DOCK8: variants seen among roughly 807,000 people sequenced by gnomAD.
The protein encoded by DOCK8 is dedicator of cytokinesis 8.
DOCK8 carries 141 observed loss-of-function variants against 245.6 expected under a neutral mutation model. The observed-to-expected ratio is 0.57, with a 90% CI of 0.50 to 0.66. The LOEUF is 0.66. Ranked by LOEUF, DOCK8 falls within the 30% of genes least tolerant of loss-of-function variation. DOCK8 has a pLI of 0.00. For missense variants in DOCK8, 2,965 were observed against 2,603.4 expected (o/e 1.14, Z -3.02); for synonymous variants, 1,168 against 970.2 (o/e 1.20, Z -3.79).
chr9:363,879 T>C (rs1371885412), intron 14 of DOCK8, among the ~76,000 whole-genome samples: 1 of 152,162 alleles, frequency 6.6e-6, no homozygotes, highest in African/African-American at 2.4e-5. Context: ...TATTGGAGTG[T>C]AAGAGACAAG....
At chr9:437,575 G>A (rs571423878) in intron 39 of DOCK8, among the ~76,000 whole-genome samples, 18 of 152,310 alleles carry the variant, frequency 1.2e-4, no homozygotes, top group African/African-American at 4.1e-4. Context: ...ATAGAAGGAG[G>A]AAAGAATTCT....
chr9:312,340 T>C (rs1243705699), intron 6 of DOCK8, 174 bp downstream of exon 6: 2 of 754,590 alleles, frequency 2.7e-6, no homozygotes, highest in East Asian at 5.4e-5. Flanking sequence ...GCAGAGCCAT[T>C]ATTGATTATC....
chr9:252,503 T>TC (rs765445127), intron 1 of DOCK8, among the ~76,000 whole-genome samples: 7 of 152,066 alleles, frequency 4.6e-5, no homozygotes, highest in Non-Finnish European at 1.0e-4. Context: ...CATTTATTTT[T>TC]TAAAAAATTC....
intron 4 of DOCK8, among the ~76,000 whole-genome samples, chr9:298,618 A>AGTGTGTGTGT (rs34998339): frequency 2.4e-3 from 345 of 145,396 alleles, no homozygotes; most frequent in African/African-American, 4.6e-3. Flanking sequence ...CACATCTGTA[A>AGTGTGTGTGT]GTGTGTGTGT....
intron 26 of DOCK8, among the ~76,000 whole-genome samples, chr9:400,856 ACCT>A (rs1252813673): frequency 8.2e-5 from 8 of 97,984 alleles, no homozygotes; most frequent in East Asian, 3.1e-4. Flanking sequence ...CACCATCACC[ACCT>A]CCTCCACCAT....
rs201298592 is a variant in DOCK8 at position 420,895 on chromosome 9, C to G, written c.4024-54C>G. The G allele has an allele frequency of 1.4e-3, 2,294 of 1,608,924 alleles. 5 individuals carry two copies. The highest frequency in any genetic ancestry group is 1.7e-3 in the Non-Finnish European group (2,047 of 1,175,470). ...GAGTGTACTGTTTTGGTAACTCTCC[C>G]CATCAACGGAGATCTCACCAAAGGA... On this transcript the variant is annotated intron_variant, in intron 31 of 47. Transcript: ENST00000432829.
At chr9:325,182 G>A (rs2050705220) in intron 7 of DOCK8, among the ~76,000 whole-genome samples, 1 of 152,200 alleles carries the variant, frequency 6.6e-6, no homozygotes, top group African/African-American at 2.4e-5. Flanking sequence ...ATTCCATAGT[G>A]TATAGATACC....
chr9:442,080 A>G (rs2057111769), intron 42 of DOCK8, 71 bp downstream of exon 42: 2 of 1,589,696 alleles, frequency 1.3e-6, no homozygotes, highest in Non-Finnish European at 1.7e-6. Flanking sequence ...GTCATCACCA[A>G]AAATAAACAA....
chr9:253,122 C>G (rs1474664750), intron 1 of DOCK8, among the ~76,000 whole-genome samples: 2 of 152,154 alleles, frequency 1.3e-5, no homozygotes, highest in African/African-American at 2.4e-5. Flanking sequence ...GACCCATTAT[C>G]TTCCTTAGCT....
In DOCK8 at chr9:340,175, G is replaced by T. The variant is rs2051510572; in HGVS notation, c.1533G>T (p.Glu511Asp). The T allele has an allele frequency of 1.9e-6, 3 of 1,613,984 alleles. No homozygotes were observed. Among genetic ancestry groups the T allele is most frequent in the Admixed American group, 3.3e-5 (2 of 60,000 alleles). ...VKSIPGLLRL[E>D]ISTAPEIINC... ...TCTCTTTAGGCTTGCTAAGACTGGAGATTTCTACAGCTCCAGAGATCATCA... is the reference window on the plus strand; with the variant it reads ...TCTCTTTAGGCTTGCTAAGACTGGATATTTCTACAGCTCCAGAGATCATCA... The change falls in exon 14 of 48, where the codon GAG becomes GAT. Residue 511 changes from glutamate (E) to aspartate (D), a missense_variant. Around this residue, in one of 3 missense-constraint regions of DOCK8, gnomAD observed 2,825 missense variants for 2,453.5 expected, o/e 1.15. Coordinates refer to ENST00000432829, the MANE Select transcript of DOCK8 (RefSeq NM_203447.4).
intron 39 of DOCK8, among the ~76,000 whole-genome samples, chr9:438,108 T>C (rs766457205): frequency 2.6e-5 from 4 of 152,226 alleles, no homozygotes; most frequent in Non-Finnish European, 4.4e-5. Flanking sequence ...TTCCTAAAAC[T>C]ACGTTACAGT....
chr9:324,334 A>G (rs2050658592), intron 7 of DOCK8, among the ~76,000 whole-genome samples: 1 of 152,204 alleles, frequency 6.6e-6, no homozygotes, highest in Admixed American at 6.5e-5. Context: ...ACCTGGAGAC[A>G]AAACATGACT....
At chr9:433,802 A>G in intron 37 of DOCK8, 73 bp from the exon 38 acceptor site, 3 of 1,281,844 alleles carry the variant, frequency 2.3e-6, no homozygotes, top group South Asian at 1.2e-5. Flanking sequence ...TTCCCCTTGC[A>G]TTTCAATGTA....
rs1587021593 is a variant in DOCK8, at chr9:432,278, A to G, written c.4739A>G (p.Tyr1580Cys). The change falls in exon 37 of 48, where the codon TAT (tyrosine) becomes TGT (cysteine). Residue 1580 changes from tyrosine to cysteine, a missense_variant. Around this residue, in one of 3 missense-constraint regions of DOCK8, gnomAD observed 2,825 missense variants for 2,453.5 expected, o/e 1.15. Transcript: ENST00000432829. ...AGATCCTTGAGGACAATTTTGGCCT[A>G]TTCAGAAGAGGACACAGCCATGCAG... is the stretch of plus-strand genomic sequence containing the variant. ...LRRSLRTILA[Y>C]SEEDTAMQMT... 1.2e-6 allele frequency: 2 copies of G among 1,614,116 alleles called. No individual in the cohort carries two copies. The highest frequency in any genetic ancestry group is 2.2e-5 in the East Asian group (1 of 44,882).
Position 429,921 on chromosome 9 carries a change from C to T in DOCK8, c.4626+67C>T, listed in dbSNP as rs576403621. On this transcript the variant is annotated intron_variant, in intron 36 of 47. Transcript: ENST00000432829. Reference sequence around the variant, plus strand: ...AAAAATTGATGTAAAGCATCAGCTGCGAAAAAAAATAAGGAAATTTTGCAG... The same window carrying T: ...AAAAATTGATGTAAAGCATCAGCTGTGAAAAAAAATAAGGAAATTTTGCAG... 9.5e-6 allele frequency: 15 copies of T among 1,574,694 alleles called. No homozygotes were observed. In the Admixed American group the frequency reaches 1.3e-4, roughly 14 times the overall value.
intron 39 of DOCK8, among the ~76,000 whole-genome samples, chr9:435,950 G>T (rs924708829): frequency 1.3e-5 from 2 of 152,182 alleles, no homozygotes; most frequent in African/African-American, 4.8e-5. Context: ...CATTTACAAG[G>T]GTTTGTATTA....
chr9:322,801 G>A (rs2050576492), intron 7 of DOCK8, among the ~76,000 whole-genome samples: 1 of 152,160 alleles, frequency 6.6e-6, no homozygotes, highest in South Asian at 2.1e-4. Flanking sequence ...GCCCAGGAAA[G>A]CCTCCAATTG....
intron 4 of DOCK8, among the ~76,000 whole-genome samples, chr9:303,737 A>C (rs1044943941): frequency 3.3e-5 from 5 of 152,152 alleles, no homozygotes; most frequent in Non-Finnish European, 5.9e-5. Context: ...CATCAAACCT[A>C]AGTGACATGC....
chr9:264,403 C>G (rs2047989925), intron 1 of DOCK8, among the ~76,000 whole-genome samples: 1 of 152,182 alleles, frequency 6.6e-6, no homozygotes, highest in Admixed American at 6.5e-5. Flanking sequence ...CCATGCCTTC[C>G]AAATAAGGGG....
Sources: gnomAD v4.1 joint callset for allele counts (sites outside exome capture counted in the v4.1 genomes callset) on GRCh38, gnomAD v4.1.1 for gene constraint, gnomAD v4.1.1 regional missense constraint, MANE v1.5 for transcripts, NCBI Gene and HGNC (gene_info 2026-07-23, HGNC 2026-07-21) for gene names.